Variants in PLOD3 observed in about 807,000 individuals in gnomAD.
PLOD3 encodes procollagen-lysine,2-oxoglutarate 5-dioxygenase 3, also known as multifunctional procollagen lysine hydroxylase and glycosyltransferase LH3.
A neutral mutation model predicts 96.9 loss-of-function variants in PLOD3; 73 were observed. The ratio of observed to expected loss-of-function variants is 0.75; its 90% confidence interval spans 0.62 to 0.92. The LOEUF (loss-of-function observed/expected upper bound fraction) is 0.92. PLOD3 is among the 40% of genes least tolerant of loss of function. The pLI is 0.00. For missense variants in PLOD3, 1,004 were observed against 1,004.3 expected (o/e 1.00, Z 0.00); for synonymous variants, 454 against 413.7 (o/e 1.10, Z -1.18).
chr7:101,215,873 G>C, intron 5 of PLOD3, 35 bp downstream of exon 5: 1 of 1,393,714 alleles, frequency 7.2e-7, no homozygotes, highest in Non-Finnish European at 1.0e-6. Context: ...CTCCCACAGA[G>C]CTGCGGGATG....
chr7:101,212,695 G>C lies in PLOD3; in HGVS notation c.880-40C>G, dbSNP rs545415423. 8 of 1,611,704 alleles carry C rather than the reference G, an allele frequency of 5.0e-6. No homozygotes were observed. In the East Asian group the frequency reaches 1.6e-4, roughly 31 times the overall value. Reference sequence around the variant, plus strand: ...ACGCAGGGACTCAGAGAGAAGCCCGGACTTCCCTGCTGCCCCCACCCAACC... The same window carrying C: ...ACGCAGGGACTCAGAGAGAAGCCCGCACTTCCCTGCTGCCCCCACCCAACC... On this transcript the variant is annotated intron_variant, in intron 8 of 18. Coordinates refer to ENST00000223127, the MANE Select transcript of PLOD3 (RefSeq NM_001084.5).
rs1446424049 is a variant in PLOD3, at chr7:101,216,340, G to A, written c.339-14C>T. On this transcript the variant is annotated splice_polypyrimidine_tract_variant and intron_variant, in intron 3 of 18. Coordinates refer to ENST00000223127, the MANE Select transcript of PLOD3 (RefSeq NM_001084.5). ...ATCACGTCGTAGCTGGGTGAGGAAG[G>A]GGAGGATGGGCAGGGGTCCACTGGG... is the stretch of plus-strand genomic sequence containing the variant. 1.9e-6 allele frequency: 3 copies of A among 1,613,272 alleles called. No individual in the cohort carries two copies. Among genetic ancestry groups the A allele is most frequent in the African/African-American group, 1.3e-5 (1 of 74,906 alleles).
chr7:101,206,544 C>T (rs983673340), intron 18 of PLOD3, 108 bp from the exon 19 acceptor site: 25 of 1,115,412 alleles, frequency 2.2e-5, no homozygotes, highest in Admixed American at 2.0e-4. Context: ...TGCAGCAGAC[C>T]GGGGTGACAA....
At chr7:101,208,762 T>G in intron 16 of PLOD3, 91 bp downstream of exon 16, 1 of 866,434 alleles carries the variant, frequency 1.2e-6, no homozygotes, top group East Asian at 2.5e-5. Context: ...AACCCCTCTT[T>G]GCTCCCATTT....
chr7:101,212,662 G>A lies in PLOD3; in HGVS notation c.880-7C>T. On this transcript the variant is annotated splice_region_variant and splice_polypyrimidine_tract_variant and intron_variant, in intron 8 of 18. Coordinates refer to ENST00000223127, the MANE Select transcript of PLOD3 (RefSeq NM_001084.5). ...GAAACACCCGGGGGGGAGGCTGGAA[G>A]ATGCAACACGCAGGGACTCAGAGAG... 1 of 1,613,622 alleles carries A rather than the reference G, an allele frequency of 6.2e-7. No homozygotes were observed. Among genetic ancestry groups the A allele is most frequent in the Non-Finnish European group, 8.5e-7 (1 of 1,179,944 alleles).
chr7:101,214,080 G>A (rs916002177), intron 6 of PLOD3, among the ~76,000 whole-genome samples: 2 of 150,704 alleles, frequency 1.3e-5, no homozygotes, highest in African/African-American at 2.4e-5. Context: ...TGATCTGCCC[G>A]CCTCAGCCTT....
chr7:101,209,358 C>T (rs1017573343), intron 15 of PLOD3, among the ~76,000 whole-genome samples: 1 of 151,924 alleles, frequency 6.6e-6, no homozygotes, highest in African/African-American at 2.4e-5. Context: ...AGGCACATGC[C>T]ACCATGCCAA....
Position 101,217,443 on chromosome 7 carries a change from C to G in PLOD3, c.-169G>C. The G allele has an allele frequency of 5.1e-6, 3 of 583,880 alleles. No homozygotes were observed. The highest frequency in any genetic ancestry group is 8.1e-6 in the Non-Finnish European group (3 of 370,854). 36.2% of individuals were successfully genotyped at this position (583,880 alleles called of 1,614,324 possible). A position where few individuals can be genotyped will look rare whatever the true frequency, so the allele number is the denominator to read the frequency against. ...CCTGAAAAAAAGGCGTATCCGGAGG[C>G]TACAGAAAGCTCCAGATGCCGGCGC... On this transcript the variant is annotated 5_prime_UTR_variant, in exon 1 of 19. Transcript: ENST00000223127.
At chr7:101,213,052 G>C in intron 7 of PLOD3, 55 bp downstream of exon 7, 1 of 1,369,844 alleles carries the variant, frequency 7.3e-7, no homozygotes, top group Non-Finnish European at 1.0e-6. Context: ...AGAAGGGTTG[G>C]AGGTGCCTGG....
chr7:101,214,322 G>A (rs1466442795), intron 6 of PLOD3, among the ~76,000 whole-genome samples: 3 of 151,640 alleles, frequency 2.0e-5, no homozygotes, highest in Non-Finnish European at 4.4e-5. Context: ...GTAGAGACGG[G>A]TTTTCGCCAT....
Position 101,213,119 on chromosome 7 carries a change from G to GT in PLOD3, c.764dup (p.Asn255LysfsTer5). On this transcript the variant is annotated frameshift_variant, in exon 7 of 19. Transcript: ENST00000223127. LOFTEE classifies it high-confidence loss of function. The stretch of plus-strand genomic sequence containing the variant: ...CCACTGGTGGCACCTTAGTGGGACC[G>GT]TTTCCATGGACCACAATGGGGAGCG... 1.9e-6 allele frequency: 3 copies of GT among 1,610,956 alleles called. No individual in the cohort carries two copies. Among genetic ancestry groups the GT allele is most frequent in the Non-Finnish European group, 2.5e-6 (3 of 1,177,316 alleles).
chr7:101,205,987 C>T lies in PLOD3; in HGVS notation c.*294G>A. ...GGCAGACCAATGGACTCAAGACTTACAAACTGTCCTTTATTCAGAGTGAGA... is the reference window on the plus strand; with the variant it reads ...GGCAGACCAATGGACTCAAGACTTATAAACTGTCCTTTATTCAGAGTGAGA... On this transcript the variant is annotated 3_prime_UTR_variant, in exon 19 of 19. Transcript: ENST00000223127. 1 of 505,682 alleles carries T rather than the reference C, an allele frequency of 2.0e-6. No homozygotes were observed. Among genetic ancestry groups the T allele is most frequent in the Non-Finnish European group, 3.6e-6 (1 of 277,644 alleles). 31.3% of individuals were successfully genotyped at this position (505,682 alleles called of 1,614,324 possible).
At position 101,212,763 on chromosome 7, in the gene PLOD3, C is replaced by T. The variant is rs543202365; in HGVS notation, c.879+79G>A. Reference sequence around the variant, plus strand: ...AGGGACCCAGGAGCGATGCCCCCACCGCCCCCCAGTCCGCTGTCCTTGTAC... The same window carrying T: ...AGGGACCCAGGAGCGATGCCCCCACTGCCCCCCAGTCCGCTGTCCTTGTAC... On this transcript the variant is annotated intron_variant, in intron 8 of 18. Transcript: ENST00000223127. 117 of 1,568,282 alleles carry T rather than the reference C, an allele frequency of 7.5e-5. No homozygotes were observed. In the African/African-American group the frequency reaches 9.9e-4, roughly 13 times the overall value.
At chr7:101,210,783 G>A in intron 12 of PLOD3, 110 bp from the exon 13 acceptor site, 3 of 1,197,816 alleles carry the variant, frequency 2.5e-6, no homozygotes, top group South Asian at 1.3e-5. Context: ...TGAACATAAG[G>A]CCCCTGCATG....
At position 101,212,736 on chromosome 7, in the gene PLOD3, G is replaced by A; in HGVS notation, c.880-81C>T. The A allele has an allele frequency of 2.5e-6, 4 of 1,597,100 alleles. 1 individual carries two copies. The South Asian group carries it at 4.4e-5, about 18-fold the overall frequency. On this transcript the variant is annotated intron_variant, in intron 8 of 18. Transcript: ENST00000223127. ...CCACCCAACCTCCACCCTGACAGGT[G>A]CAGGGACCCAGGAGCGATGCCCCCA...
Position 101,210,127 on chromosome 7 carries a change from C to A in PLOD3, c.1649G>T (p.Ser550Ile). 1 of 1,607,196 alleles carries A rather than the reference C, an allele frequency of 6.2e-7. No individual in the cohort carries two copies. Among genetic ancestry groups the A allele is most frequent in the Non-Finnish European group, 8.5e-7 (1 of 1,177,056 alleles). ...GATTCCTTCCCCTTCCAGGGCCCGG[C>A]TGTAGTTCTCGTGGATGTACTGCTC... ...WKEQYIHENY[S>I]RALEGEGIVE... The change falls in exon 15 of 19, where the codon AGC becomes ATC. Residue 550 changes from serine (S) to isoleucine (I), a missense_variant. By Grantham distance (142) the Ser-to-Ile change is moderately radical. Coordinates refer to ENST00000223127, the MANE Select transcript of PLOD3 (RefSeq NM_001084.5).
chr7:101,207,228 A>G (rs3779113), intron 17 of PLOD3, among the ~76,000 whole-genome samples: 1,992 of 152,160 alleles, frequency 0.013, 37 homozygotes, highest in East Asian at 0.086. Context: ...CACCCACCTC[A>G]GCCTCGCAAA....
At chr7:101,212,077 G>A (rs2116803593) in intron 10 of PLOD3, 127 bp from the exon 11 acceptor site, 4 of 1,056,146 alleles carry the variant, frequency 3.8e-6, no homozygotes, top group Middle Eastern at 5.9e-4. Context: ...GCTCTCTGCT[G>A]TCTGGGTGAG....
At chr7:101,207,443 A>C in intron 17 of PLOD3, 135 bp downstream of exon 17, 1 of 921,340 alleles carries the variant, frequency 1.1e-6, no homozygotes, top group East Asian at 2.5e-5. Flanking sequence ...TGCCTCCTGC[A>C]GCGTCTCATT....
Sources: allele counts gnomAD v4.1 joint callset (sites outside exome capture counted in the v4.1 genomes callset), GRCh38; gene constraint gnomAD v4.1.1; transcripts MANE v1.5; gene names NCBI Gene and HGNC (gene_info 2026-07-23, HGNC 2026-07-21).